PTPRZ1: variants seen among roughly 807,000 people sequenced by gnomAD.
PTPRZ1 encodes protein tyrosine phosphatase receptor type Z1, also known as receptor-type tyrosine-protein phosphatase zeta.
A neutral mutation model predicts 214.1 loss-of-function variants in PTPRZ1; 82 were observed. The ratio of observed to expected loss-of-function variants is 0.38; its 90% CI spans 0.32 to 0.46. PTPRZ1 has a LOEUF of 0.46. Among genes scored for constraint, PTPRZ1 ranks in the 20% least tolerant of loss-of-function variants. The pLI is 1.00. For missense variants in PTPRZ1, 2,603 were observed against 2,748.7 expected, an observed-to-expected ratio of 0.95 and a Z score of 1.19; for synonymous variants, 945 against 987.9, an observed-to-expected ratio of 0.96 and a Z score of 0.81.
intron 1 of PTPRZ1, among the ~76,000 whole-genome samples, chr7:121,912,493 A>G (rs1584630701): frequency 6.6e-6 from 1 of 152,220 alleles, no homozygotes; most frequent in East Asian, 1.9e-4. Context: ...AGAGACATAC[A>G]GGTGTATGTT....
intron 23 of PTPRZ1, among the ~76,000 whole-genome samples, chr7:122,049,577 A>G (rs1435155242): frequency 6.6e-6 from 1 of 152,166 alleles, no homozygotes; most frequent in Non-Finnish European, 1.5e-5. Context: ...AAACTTCATC[A>G]TCTCAAAAAA....
intron 1 of PTPRZ1, among the ~76,000 whole-genome samples, chr7:121,918,848 C>CA (rs10648079): frequency 0.45 from 68,567 of 150,936 alleles, 16,058 homozygotes; most frequent in South Asian, 0.58. Flanking sequence ...ATGTATATTT[C>CA]AAAAAAAATC....
At chr7:121,880,665 G>A (rs1261964772) in intron 1 of PTPRZ1, among the ~76,000 whole-genome samples, 2 of 152,130 alleles carry the variant, frequency 1.3e-5, no homozygotes, top group African/African-American at 4.8e-5. Flanking sequence ...ACAGAGTCTT[G>A]ATTACATGCT....
At chr7:122,039,093 C>T (rs192029798) in intron 19 of PTPRZ1, among the ~76,000 whole-genome samples, 116 of 152,238 alleles carry the variant, frequency 7.6e-4, no homozygotes, top group Middle Eastern at 3.4e-3. Context: ...GCCTTTTAAA[C>T]GCATTCTTCA....
chr7:121,930,409 T>G (rs1199277716), intron 2 of PTPRZ1, among the ~76,000 whole-genome samples: 1 of 152,182 alleles, frequency 6.6e-6, no homozygotes, highest in Non-Finnish European at 1.5e-5. Flanking sequence ...ATACCCAATT[T>G]AATAAACATC....
chr7:121,938,749 G>C (rs535676153), intron 2 of PTPRZ1, among the ~76,000 whole-genome samples: 13 of 152,116 alleles, frequency 8.5e-5, no homozygotes, highest in Non-Finnish European at 1.8e-4. Context: ...AGGACGGGGT[G>C]GGGGTGGAGA....
At chr7:122,026,271 T>A (rs1799204619) in intron 13 of PTPRZ1, among the ~76,000 whole-genome samples, 1 of 152,196 alleles carries the variant, frequency 6.6e-6, no homozygotes, top group African/African-American at 2.4e-5. Flanking sequence ...GATTCTTGTA[T>A]CAGCTGTGAT....
At chr7:121,904,789 G>A (rs922622899) in intron 1 of PTPRZ1, among the ~76,000 whole-genome samples, 1 of 152,092 alleles carries the variant, frequency 6.6e-6, no homozygotes, top group African/African-American at 2.4e-5. Flanking sequence ...AAAATAAGGA[G>A]AACTTGACTT....
intron 1 of PTPRZ1, among the ~76,000 whole-genome samples, chr7:121,910,612 C>G (rs1795244024): frequency 6.6e-6 from 1 of 151,396 alleles, no homozygotes; most frequent in African/African-American, 2.4e-5. Flanking sequence ...TTGAAGGTAT[C>G]AATTAACTAA....
chr7:122,052,200 A>G (rs1792207446), intron 25 of PTPRZ1, among the ~76,000 whole-genome samples: 1 of 152,176 alleles, frequency 6.6e-6, no homozygotes. Flanking sequence ...TGATGAGTAG[A>G]TATAAAACTT....
intron 8 of PTPRZ1, among the ~76,000 whole-genome samples, chr7:121,990,512 CTTTTTTTTTTTTTTTTT>C (rs758696565): frequency 1.4e-5 from 1 of 73,472 alleles, no homozygotes; most frequent in Admixed American, 1.5e-4. Flanking sequence ...TGAAAACTGT[CTTTTTTTTTTTTTTTTT>C]TTTTTTTTTT....
chr7:121,940,578 C>G (rs530247407), intron 2 of PTPRZ1, among the ~76,000 whole-genome samples: 1 of 152,252 alleles, frequency 6.6e-6, no homozygotes, highest in East Asian at 1.9e-4. Flanking sequence ...GTAAAAAGAA[C>G]TAATGTTAGT....
Position 122,059,738 on chromosome 7 carries a change from T to TC in PTPRZ1, c.6672-15_6672-14insC, listed in dbSNP as rs1792506571. 6.4e-7 allele frequency: 1 copy of TC among 1,569,244 alleles called. No homozygotes were observed. The highest frequency in any genetic ancestry group is 2.2e-5 in the East Asian group (1 of 44,500). ...CAATGGAGTCTTTGTTCCTTTTCTTTTTTTTTTTTACAAGGCATGGAGGAG... is the reference window on the plus strand; with the variant it reads ...CAATGGAGTCTTTGTTCCTTTTCTTTCTTTTTTTTTACAAGGCATGGAGGAG... On this transcript the variant is annotated splice_polypyrimidine_tract_variant and intron_variant, in intron 28 of 29. Transcript: ENST00000393386.
intron 8 of PTPRZ1, among the ~76,000 whole-genome samples, chr7:121,987,607 G>A (rs1359151021): frequency 1.3e-5 from 2 of 152,096 alleles, no homozygotes; most frequent in African/African-American, 2.4e-5. Flanking sequence ...ATTCTGAATG[G>A]TATGAGATGG....
chr7:121,926,101 G>A (rs1318538106), intron 1 of PTPRZ1, among the ~76,000 whole-genome samples: 2 of 152,210 alleles, frequency 1.3e-5, no homozygotes, highest in Non-Finnish European at 2.9e-5. Context: ...TCTGGAGTTC[G>A]AGACCAGCCT....
chr7:122,056,553 G>A (rs1023024908), intron 27 of PTPRZ1, among the ~76,000 whole-genome samples: 3 of 151,898 alleles, frequency 2.0e-5, no homozygotes, highest in Admixed American at 2.0e-4. Context: ...ACAAGTGAAG[G>A]TCTATGCTAC....
At chr7:121,908,755 TACTAATG>T (rs1379694810) in intron 1 of PTPRZ1, 2 of 494,028 alleles carry the variant, frequency 4.0e-6, no homozygotes, top group Non-Finnish European at 7.9e-6. Flanking sequence ...AGAATAACAT[TACTAATG>T]ACACTTTATT....
At chr7:121,941,005 T>C (rs558189074) in intron 2 of PTPRZ1, among the ~76,000 whole-genome samples, 2 of 152,342 alleles carry the variant, frequency 1.3e-5, no homozygotes, top group South Asian at 4.1e-4. Context: ...CCTTCTTTCC[T>C]GACTCTTCTT....
chr7:122,024,193 A>G (rs536396644), intron 13 of PTPRZ1, among the ~76,000 whole-genome samples: 2 of 152,158 alleles, frequency 1.3e-5, no homozygotes, highest in South Asian at 2.1e-4. Flanking sequence ...GGGCCATACC[A>G]TAAGTTTCTA....
Sources: gnomAD v4.1 joint callset for allele counts (sites outside exome capture counted in the v4.1 genomes callset) on GRCh38, gnomAD v4.1.1 for gene constraint, MANE v1.5 for transcripts, NCBI Gene and HGNC (gene_info 2026-07-23, HGNC 2026-07-21) for gene names.